The following N4BP2 variants were observed in gnomAD, a reference collection of about 807,000 sequenced individuals.
N4BP2 encodes the protein NEDD4-binding protein 2.
Under a neutral mutation model 152.8 loss-of-function variants are expected in N4BP2, and 91 were observed. The observed-to-expected ratio is 0.60, with a 90% CI of 0.50 to 0.71. The LOEUF (loss-of-function observed/expected upper bound fraction) is 0.71. Among genes scored for constraint, N4BP2 ranks in the 30% least tolerant of loss-of-function variants. The probability of loss-of-function intolerance (pLI) is 0.00; values close to 1 mark genes in which losing one functional copy is unlikely to be tolerated. For synonymous variants in N4BP2, 646 were observed against 705.3 expected (o/e 0.92, Z 1.33); for missense variants, 1,923 against 2,059.1 (o/e 0.93, Z 1.28).
chr4:40,089,761 C>T (rs1284830354), intron 2 of N4BP2, among the ~76,000 whole-genome samples: 3 of 152,042 alleles, frequency 2.0e-5, no homozygotes, highest in South Asian at 2.1e-4. Context: ...CTTTTATGGC[C>T]CATGCTTTTG....
rs561717933 is a variant in N4BP2, at chr4:40,074,362, A to G, written c.-115+811A>G. Among the ~76,000 whole-genome samples, 14 of 152,034 alleles carry G rather than the reference A, an allele frequency of 9.2e-5. No homozygotes were observed. The South Asian group carries it at 2.5e-3, about 27-fold the overall frequency. ...CACTTTGACCTCCCAAAGTGCTGGA[A>G]TTACAGGCGTGAGCCACCGTGTCTG... On this transcript the variant is annotated intron_variant, in intron 2 of 17. Transcript: ENST00000261435.
At chr4:40,114,396 CT>C (rs1042693327) in intron 7 of N4BP2, among the ~76,000 whole-genome samples, 1 of 152,178 alleles carries the variant, frequency 6.6e-6, no homozygotes, top group Admixed American at 6.6e-5. Context: ...TAGTTCCCCC[CT>C]CCTCTTGGCA....
intron 1 of N4BP2, among the ~76,000 whole-genome samples, chr4:40,067,797 CA>C (rs1711691566): frequency 6.6e-6 from 1 of 152,026 alleles, no homozygotes; most frequent in Non-Finnish European, 1.5e-5. Flanking sequence ...GTCCCAGGTT[CA>C]AGTGATTCTC....
chr4:40,101,379 C>G (rs1198443567), intron 3 of N4BP2, among the ~76,000 whole-genome samples: 3 of 152,130 alleles, frequency 2.0e-5, no homozygotes, highest in Non-Finnish European at 4.4e-5. Flanking sequence ...AGGCTGGTCT[C>G]TAACTCCTGA....
the N4BP2 span, among the ~76,000 whole-genome samples, chr4:40,166,452 G>T: frequency 6.6e-6 from 1 of 152,164 alleles, no homozygotes; most frequent in Non-Finnish European, 1.5e-5. Flanking sequence ...CACTTTGGGA[G>T]GCTGAGGCGG....
the N4BP2 span, among the ~76,000 whole-genome samples, chr4:40,179,956 G>T: frequency 3.3e-5 from 5 of 151,844 alleles, no homozygotes; most frequent in African/African-American, 9.7e-5. Flanking sequence ...TAGAGACAGG[G>T]TTTCTCCATG....
At chr4:40,098,209 G>C (rs1017481252) in intron 3 of N4BP2, among the ~76,000 whole-genome samples, 1 of 152,196 alleles carries the variant, frequency 6.6e-6, no homozygotes, top group Non-Finnish European at 1.5e-5. Context: ...ATTAAGAGTT[G>C]AGGCTAGCAG....
At chr4:40,175,807 GA>G in the N4BP2 span, among the ~76,000 whole-genome samples, 653 of 64,018 alleles carry the variant, frequency 0.01, 8 homozygotes, top group Middle Eastern at 0.037. Context: ...CTCGTCTCAA[GA>G]AAAAAAAAAA....
At chr4:40,137,349 AT>A (rs1719499934) in intron 14 of N4BP2, among the ~76,000 whole-genome samples, 2 of 152,174 alleles carry the variant, frequency 1.3e-5, no homozygotes, top group Non-Finnish European at 2.9e-5. Context: ...ATGTGGTTTA[AT>A]TGAATAGCAG....
At chr4:40,164,445 TACCTAG>T in the N4BP2 span, among the ~76,000 whole-genome samples, 1 of 152,182 alleles carries the variant, frequency 6.6e-6, no homozygotes, top group Non-Finnish European at 1.5e-5. Flanking sequence ...GTGTACATAT[TACCTAG>T]AAAAGTGACA....
At chr4:40,063,534 C>T in intron 1 of N4BP2, among the ~76,000 whole-genome samples, 1 of 152,082 alleles carries the variant, frequency 6.6e-6, no homozygotes, top group East Asian at 1.9e-4. Context: ...TAGCAAAAAG[C>T]AGAGCAGACC....
the N4BP2 span, among the ~76,000 whole-genome samples, chr4:40,175,653 CA>C: frequency 6.6e-5 from 10 of 151,630 alleles, no homozygotes; most frequent in Admixed American, 6.6e-4. Context: ...CCAAAAAATA[CA>C]AAAAGTAGCA....
intron 1 of N4BP2, among the ~76,000 whole-genome samples, chr4:40,063,607 C>T (rs561337173): frequency 6.6e-6 from 1 of 151,934 alleles, no homozygotes; most frequent in South Asian, 2.1e-4. Flanking sequence ...AATTCTTTAT[C>T]GTTTTATTGA....
At chr4:40,144,924 T>C in intron 16 of N4BP2, 124 bp downstream of exon 16, 1 of 659,722 alleles carries the variant, frequency 1.5e-6, no homozygotes, top group South Asian at 3.2e-5. Context: ...TCTGTAAATG[T>C]TTATGTTATT....
intron 14 of N4BP2, among the ~76,000 whole-genome samples, chr4:40,141,914 C>T (rs1474167260): frequency 2.6e-5 from 4 of 152,194 alleles, no homozygotes; most frequent in East Asian, 1.9e-4. Context: ...AGCGAAACCC[C>T]GTCTCCACCA....
chr4:40,120,650 AGT>A lies in N4BP2; in HGVS notation c.2542_2543del (p.Val848ArgfsTer9). 1 of 1,614,102 alleles carries A rather than the reference AGT, an allele frequency of 6.2e-7. No homozygotes were observed. The highest frequency in any genetic ancestry group is 8.5e-7 in the Non-Finnish European group (1 of 1,179,942). ...CCAGCAACGAGGATCTCCACATGAA[AGT>A]GTAGAGGATGGCAGAAAGTCACAGT... ...CVQQRGSPHE[S>X]VEDGRKSQCD... On this transcript the variant is annotated frameshift_variant, in exon 9 of 18. Transcript: ENST00000261435. LOFTEE classifies it high-confidence loss of function.
At chr4:40,111,735 C>T (rs911599788) in intron 5 of N4BP2, among the ~76,000 whole-genome samples, 1 of 152,182 alleles carries the variant, frequency 6.6e-6, no homozygotes, top group Non-Finnish European at 1.5e-5. Flanking sequence ...CTTACCTCAG[C>T]CTCCTGAGTA....
rs150594921 is a variant in N4BP2, at chr4:40,144,702, A to G, written c.5045A>G (p.Asn1682Ser). 8.4e-5 allele frequency: 135 copies of G among 1,614,098 alleles called. No individual in the cohort carries two copies. Among genetic ancestry groups the G allele is most frequent in the African/African-American group, 1.9e-4 (14 of 75,048 alleles). Reference sequence around the variant, plus strand: ...GCCATAGAGATCTTTGAGAAAGTCAATGCTTCGCTGCTGCCACAGAATGTT... The same window carrying G: ...GCCATAGAGATCTTTGAGAAAGTCAGTGCTTCGCTGCTGCCACAGAATGTT... ...LAAIEIFEKV[N>S]ASLLPQNVLD... Residue 1682 changes from asparagine (N) to serine (S), a missense_variant, in exon 16 of 18, where the codon AAT (asparagine) becomes AGT (serine). By Grantham distance (46) the Asn-to-Ser change is conservative. Coordinates refer to ENST00000261435, the MANE Select transcript of N4BP2 (RefSeq NM_018177.6).
chr4:40,146,079 C>G (rs1469967909), intron 16 of N4BP2, among the ~76,000 whole-genome samples: 4 of 152,086 alleles, frequency 2.6e-5, no homozygotes, highest in Non-Finnish European at 5.9e-5. Context: ...GGGAGAATTA[C>G]TTGAACCCTG....
Sources: gnomAD v4.1 joint callset for allele counts (sites outside exome capture counted in the v4.1 genomes callset) on GRCh38, gnomAD v4.1.1 for gene constraint, MANE v1.5 for transcripts, NCBI Gene and HGNC (gene_info 2026-07-23, HGNC 2026-07-21) for gene names.